The following INPP4B variants were observed in gnomAD, a reference collection of about 807,000 sequenced individuals.
INPP4B encodes the protein inositol polyphosphate 4-phosphatase type II.
A neutral mutation model predicts 122.5 loss-of-function variants in INPP4B; 55 were observed. The ratio of observed to expected loss-of-function variants is 0.45; its 90% CI spans 0.36 to 0.56. The LOEUF (loss-of-function observed/expected upper bound fraction) is 0.56. Among genes scored for constraint, INPP4B ranks in the 20% least tolerant of loss-of-function variants. The probability of loss-of-function intolerance (pLI) is 0.00; values close to 1 mark genes in which losing one functional copy is unlikely to be tolerated. For missense variants in INPP4B, 1,000 were observed against 1,097.7 expected (o/e 0.91, Z 1.26); for synonymous variants, 403 against 388.7 (o/e 1.04, Z -0.43).
intron 2 of INPP4B, among the ~76,000 whole-genome samples, chr4:142,470,577 C>T (rs1001037091): frequency 6.6e-6 from 1 of 152,132 alleles, no homozygotes; most frequent in South Asian, 2.1e-4. Flanking sequence ...CAGGCACATC[C>T]TATTTTAATA....
chr4:142,577,478 T>C (rs1236841596), intron 2 of INPP4B, among the ~76,000 whole-genome samples: 1 of 152,044 alleles, frequency 6.6e-6, no homozygotes, highest in Admixed American at 6.6e-5. Flanking sequence ...AGAAGAGTTT[T>C]TCTGTCTATT....
intron 2 of INPP4B, among the ~76,000 whole-genome samples, chr4:142,490,514 C>T (rs1821744033): frequency 6.6e-6 from 1 of 152,100 alleles, no homozygotes; most frequent in East Asian, 1.9e-4. Flanking sequence ...ATAGCTAAAT[C>T]AAGCTAATTA....
intron 7 of INPP4B, among the ~76,000 whole-genome samples, chr4:142,323,748 CTT>C (rs200537355): frequency 2.5e-4 from 36 of 143,006 alleles, no homozygotes; most frequent in Admixed American, 2.8e-4. Flanking sequence ...CCCAGCAGAT[CTT>C]TTTTTTTTTT....
intron 15 of INPP4B, among the ~76,000 whole-genome samples, chr4:142,185,637 C>G (rs1359615689): frequency 6.6e-6 from 1 of 151,682 alleles, no homozygotes; most frequent in Admixed American, 6.6e-5. Context: ...CCTAGCACTT[C>G]GAGAGGCCGA....
intron 7 of INPP4B, among the ~76,000 whole-genome samples, chr4:142,386,850 AG>A (rs1316260087): frequency 6.6e-6 from 1 of 152,182 alleles, no homozygotes; most frequent in Non-Finnish European, 1.5e-5. Context: ...GTCAGAAGTG[AG>A]GTCCGAAGTA....
intron 3 of INPP4B, among the ~76,000 whole-genome samples, chr4:142,457,875 C>T (rs1483447901): frequency 6.6e-6 from 1 of 152,122 alleles, no homozygotes; most frequent in South Asian, 2.1e-4. Flanking sequence ...AGATTCCAGG[C>T]GTGAGCTACC....
chr4:142,269,653 A>G (rs904585776), intron 10 of INPP4B, among the ~76,000 whole-genome samples: 14 of 152,250 alleles, frequency 9.2e-5, no homozygotes, highest in South Asian at 8.3e-4. Context: ...TATTGAGCAA[A>G]ATGGTTACTG....
At chr4:142,487,182 G>T (rs1490048937) in intron 2 of INPP4B, among the ~76,000 whole-genome samples, 1 of 152,136 alleles carries the variant, frequency 6.6e-6, no homozygotes, top group Non-Finnish European at 1.5e-5. Context: ...CAGCAAGGAT[G>T]TGACTAGCTC....
chr4:142,799,467 C>G (rs1777733919), intron 1 of INPP4B, among the ~76,000 whole-genome samples: 2 of 151,730 alleles, frequency 1.3e-5, no homozygotes, highest in African/African-American at 4.8e-5. Context: ...AATTACAACA[C>G]AGCTAATATT....
At chr4:142,783,126 A>C (rs997169565) in intron 1 of INPP4B, among the ~76,000 whole-genome samples, 2 of 152,082 alleles carry the variant, frequency 1.3e-5, no homozygotes, top group African/African-American at 2.4e-5. Flanking sequence ...TGTCTAAAAC[A>C]CCAAAAGCAA....
At chr4:142,760,877 G>C (rs1771233983) in intron 1 of INPP4B, among the ~76,000 whole-genome samples, 1 of 152,010 alleles carries the variant, frequency 6.6e-6, no homozygotes, top group Admixed American at 6.6e-5. Context: ...TTACATTTTA[G>C]ATGACAAGTT....
At chr4:142,354,614 A>G (rs983339149) in intron 7 of INPP4B, among the ~76,000 whole-genome samples, 2 of 152,040 alleles carry the variant, frequency 1.3e-5, no homozygotes, top group African/African-American at 2.4e-5. Flanking sequence ...AGGTAGAACA[A>G]AGAGAATCCT....
intron 7 of INPP4B, among the ~76,000 whole-genome samples, chr4:142,358,975 G>A (rs753072541): frequency 2.6e-5 from 4 of 151,900 alleles, no homozygotes; most frequent in South Asian, 4.1e-4. Flanking sequence ...GATACTTTCC[G>A]TGTTTTAGAG....
At chr4:142,489,693 G>A (rs888120017) in intron 2 of INPP4B, among the ~76,000 whole-genome samples, 9 of 152,000 alleles carry the variant, frequency 5.9e-5, no homozygotes, top group African/African-American at 2.2e-4. Flanking sequence ...CACACCTGGC[G>A]TAGATGGTGT....
intron 1 of INPP4B, among the ~76,000 whole-genome samples, chr4:142,735,733 C>T (rs935700136): frequency 2.0e-5 from 3 of 152,120 alleles, no homozygotes; most frequent in Non-Finnish European, 4.4e-5. Context: ...AGAATGTATT[C>T]TTCTTACTGT....
At chr4:142,740,249 C>A (rs747872840) in intron 1 of INPP4B, among the ~76,000 whole-genome samples, 12 of 151,802 alleles carry the variant, frequency 7.9e-5, no homozygotes, top group Non-Finnish European at 1.8e-4. Context: ...ACAATCTAAG[C>A]AAATGGAATT....
chr4:142,485,573 G>A (rs536859095), intron 2 of INPP4B, among the ~76,000 whole-genome samples: 2 of 152,104 alleles, frequency 1.3e-5, no homozygotes, highest in South Asian at 2.1e-4. Flanking sequence ...TCTACTTTAC[G>A]GAAGTAAAAG....
At chr4:142,379,349 A>G (rs187400308) in intron 7 of INPP4B, among the ~76,000 whole-genome samples, 1 of 152,262 alleles carries the variant, frequency 6.6e-6, no homozygotes, top group Non-Finnish European at 1.5e-5. Context: ...ATCTTCAAAG[A>G]GAGCTTTACT....
chr4:142,207,575 C>G (rs1843067065), intron 14 of INPP4B, among the ~76,000 whole-genome samples: 1 of 151,990 alleles, frequency 6.6e-6, no homozygotes, highest in African/African-American at 2.4e-5. Context: ...TTCAGGCCCC[C>G]TAAAAGATGG....
Sources: allele counts gnomAD v4.1 joint callset (sites outside exome capture counted in the v4.1 genomes callset), GRCh38; gene constraint gnomAD v4.1.1; transcripts MANE v1.5; gene names NCBI Gene and HGNC (gene_info 2026-07-23, HGNC 2026-07-21).